Variants in ZNF804A observed in about 807,000 individuals in gnomAD.
ZNF804A encodes zinc finger protein 804A.
A neutral mutation model predicts 16.5 loss-of-function variants in ZNF804A; 2 were observed. The ratio of observed to expected loss-of-function variants is 0.12; its 90% CI spans 0.05 to 0.38. ZNF804A has a LOEUF of 0.38. ZNF804A is among the 10% of genes least tolerant of loss of function. The pLI, the probability that ZNF804A is intolerant of heterozygous loss-of-function variation, is 0.99. For missense variants in ZNF804A, 1,473 were observed against 1,390.7 expected, an observed-to-expected ratio of 1.06 and a Z score of -0.94; for synonymous variants, 534 against 489.6, an observed-to-expected ratio of 1.09 and a Z score of -1.20.
In ZNF804A at chr2:184,817,970, T is replaced by C. The variant is rs114629835; in HGVS notation, c.112-48399T>C. 3.7e-3 allele frequency among the ~76,000 whole-genome samples: 555 copies of C among 151,952 alleles called. 3 individuals carry two copies. The highest frequency in any genetic ancestry group is 0.013 in the African/African-American group (533 of 41,454). ...AAAGAGACAGGAGAATGGAACCAATTTGAAAAACATACTTCAGGATATCAT... is the reference window on the plus strand; with the variant it reads ...AAAGAGACAGGAGAATGGAACCAATCTGAAAAACATACTTCAGGATATCAT... On this transcript the variant is annotated intron_variant, in intron 1 of 3. Transcript: ENST00000302277.
chr2:184,722,744 A>T (rs1399278937), intron 1 of ZNF804A, among the ~76,000 whole-genome samples: 1 of 152,132 alleles, frequency 6.6e-6, no homozygotes, highest in East Asian at 1.9e-4. Flanking sequence ...GTGAAATGTC[A>T]TTTATCTTTT....
At chr2:184,709,347 T>C (rs1193607815) in intron 1 of ZNF804A, among the ~76,000 whole-genome samples, 1 of 152,116 alleles carries the variant, frequency 6.6e-6, no homozygotes, top group Non-Finnish European at 1.5e-5. Context: ...GAAGTAATAT[T>C]GAAAATATAT....
chr2:184,814,169 G>C (rs16826206), intron 1 of ZNF804A, among the ~76,000 whole-genome samples: 5,529 of 151,748 alleles, frequency 0.036, 327 homozygotes, highest in African/African-American at 0.12. Flanking sequence ...TACAGTTCCT[G>C]ATAGTTCCAT....
At chr2:184,657,521 T>C (rs1369000555) in intron 1 of ZNF804A, among the ~76,000 whole-genome samples, 1 of 152,206 alleles carries the variant, frequency 6.6e-6, no homozygotes, top group Non-Finnish European at 1.5e-5. Flanking sequence ...ATTCTGTACA[T>C]CCCTTTTCCG....
At position 184,743,519 on chromosome 2, in the gene ZNF804A, T is replaced by G. The variant is rs1693739284; in HGVS notation, c.112-122850T>G. The stretch of plus-strand genomic sequence containing the variant: ...TTTGTCTTGAAGTGCAATAGTATTT[T>G]AAACAAATGAAAGATAAAGAATGTT... On this transcript the variant is annotated intron_variant, in intron 1 of 3. Coordinates refer to ENST00000302277, the MANE Select transcript of ZNF804A (RefSeq NM_194250.2). Among the ~76,000 whole-genome samples the G allele has an allele frequency of 4.0e-5, 6 of 151,896 alleles. No homozygotes were observed. The South Asian group carries it at 1.2e-3, about 31-fold the overall frequency.
At chr2:184,702,625 T>C (rs1037094529) in intron 1 of ZNF804A, among the ~76,000 whole-genome samples, 1 of 152,162 alleles carries the variant, frequency 6.6e-6, no homozygotes, top group Non-Finnish European at 1.5e-5. Context: ...ACTGATCTGG[T>C]TCATAATAAA....
intron 1 of ZNF804A, among the ~76,000 whole-genome samples, chr2:184,814,856 T>C (rs1384288518): frequency 1.3e-5 from 2 of 152,038 alleles, no homozygotes; most frequent in Admixed American, 6.6e-5. Context: ...TTCCTTTGTG[T>C]AGGTAGAATT....
intron 1 of ZNF804A, among the ~76,000 whole-genome samples, chr2:184,629,024 T>C (rs1246375918): frequency 6.6e-6 from 1 of 152,178 alleles, no homozygotes; most frequent in Non-Finnish European, 1.5e-5. Flanking sequence ...CATTCACTTT[T>C]ATTGAATATT....
In ZNF804A at chr2:184,936,369, T is replaced by A. The variant is rs1220132035; in HGVS notation, c.973T>A (p.Cys325Ser). The A allele has an allele frequency of 5.0e-6, 8 of 1,614,008 alleles. No individual in the cohort carries two copies. In the South Asian group the frequency reaches 8.8e-5, roughly 18 times the overall value. ...TCAGTTATCTTCTGATGCAGATAAT[T>A]GTCAAAATTCAGTCCCATTAGCAGA... ...QLQLSSDADNCQNSVPLADQI... is the reference protein window; with the variant it reads ...QLQLSSDADNSQNSVPLADQI... Residue 325 changes from cysteine to serine, a missense_variant, in exon 4 of 4, where the codon TGT (cysteine) becomes AGT (serine). By Grantham distance (112) the Cys-to-Ser change is moderately radical. Coordinates refer to ENST00000302277, the MANE Select transcript of ZNF804A (RefSeq NM_194250.2).
intron 2 of ZNF804A, among the ~76,000 whole-genome samples, chr2:184,890,411 T>C (rs1461061213): frequency 6.6e-6 from 1 of 152,040 alleles, no homozygotes; most frequent in East Asian, 1.9e-4. Context: ...GTAATTCACA[T>C]AGTAGGTTCA....
chr2:184,865,629 A>T (rs1178797450), intron 1 of ZNF804A, among the ~76,000 whole-genome samples: 2 of 152,178 alleles, frequency 1.3e-5, no homozygotes, highest in Non-Finnish European at 2.9e-5. Flanking sequence ...CATTTTATGC[A>T]TTGCAAACAA....
intron 1 of ZNF804A, among the ~76,000 whole-genome samples, chr2:184,793,940 A>G (rs1694591508): frequency 1.3e-5 from 2 of 152,134 alleles, no homozygotes; most frequent in Admixed American, 1.3e-4. Flanking sequence ...CATCATATAC[A>G]TACACCACAG....
At chr2:184,646,823 C>T (rs985392310) in intron 1 of ZNF804A, among the ~76,000 whole-genome samples, 1 of 152,234 alleles carries the variant, frequency 6.6e-6, no homozygotes. Flanking sequence ...CTGTATTCTC[C>T]CTTTGGCACT....
chr2:184,887,151 T>C (rs540637377), intron 2 of ZNF804A, among the ~76,000 whole-genome samples: 2 of 152,300 alleles, frequency 1.3e-5, no homozygotes, highest in South Asian at 4.1e-4. Context: ...CTAAATCATC[T>C]CTCTCAAGTT....
At chr2:184,876,599 G>T (rs1684683593) in intron 2 of ZNF804A, among the ~76,000 whole-genome samples, 1 of 152,050 alleles carries the variant, frequency 6.6e-6, no homozygotes, top group Admixed American at 6.6e-5. Context: ...GTCCTATTTT[G>T]ACATTTCTCA....
chr2:184,881,691 T>G (rs1421550806), intron 2 of ZNF804A, among the ~76,000 whole-genome samples: 1 of 151,956 alleles, frequency 6.6e-6, no homozygotes, highest in African/African-American at 2.4e-5. Context: ...CCAAGCTTCA[T>G]AAACAAAGGA....
Position 184,636,415 on chromosome 2 carries a change from C to T in ZNF804A, c.111+37345C>T, listed in dbSNP as rs558513165. ...CTAGGACAAAGCATTGTGAGACTGG[C>T]TCTAGGGCTGTGTGTGTGTGTGTGT... On this transcript the variant is annotated intron_variant, in intron 1 of 3. Transcript: ENST00000302277. Among the ~76,000 whole-genome samples, 6 of 132,800 alleles carry T rather than the reference C, an allele frequency of 4.5e-5. No individual in the cohort carries two copies. In the South Asian group the frequency reaches 7.1e-4, roughly 16 times the overall value. 87.1% of individuals were successfully genotyped at this position (132,800 alleles called of 152,430 possible).
In ZNF804A at chr2:184,937,399, G is replaced by A. The variant is rs199717019; in HGVS notation, c.2003G>A (p.Ser668Asn). 5.0e-6 allele frequency: 8 copies of A among 1,613,154 alleles called. No homozygotes were observed. In the East Asian group the frequency reaches 1.8e-4, roughly 36 times the overall value. Residue 668 changes from serine to asparagine, a missense_variant, in exon 4 of 4, where the codon AGT (serine) becomes AAT (asparagine). Ser to Asn is a conservative substitution (Grantham distance 46). Transcript: ENST00000302277. ...KRPKSESISL[S>N]DNEEMCKTWN... is the part of the protein sequence containing the mutation. ...CCCAAATCAGAATCCATATCCTTAA[G>A]TGACAATGAAGAAATGTGTAAAACA...
At chr2:184,607,178 G>C (rs775874469) in intron 1 of ZNF804A, among the ~76,000 whole-genome samples, 10 of 152,104 alleles carry the variant, frequency 6.6e-5, no homozygotes, top group Non-Finnish European at 1.2e-4. Flanking sequence ...GTAAAATGGA[G>C]TTATTCTTAT....
Sources: gnomAD v4.1 joint callset for allele counts (sites outside exome capture counted in the v4.1 genomes callset) on GRCh38, gnomAD v4.1.1 for gene constraint, MANE v1.5 for transcripts, NCBI Gene and HGNC (gene_info 2026-07-23, HGNC 2026-07-21) for gene names.